Variants in B4GALNT3 observed in about 807,000 individuals in gnomAD.
B4GALNT3 encodes the protein beta-1,4-N-acetylgalactosaminyltransferase 3.
Under a neutral mutation model 120.2 loss-of-function variants are expected in B4GALNT3, and 86 were observed. The ratio of observed to expected loss-of-function variants is 0.72; its 90% CI spans 0.60 to 0.86. B4GALNT3 has a LOEUF of 0.86. Among genes scored for constraint, B4GALNT3 ranks in the 40% least tolerant of loss-of-function variants. The pLI, the probability that B4GALNT3 is intolerant of heterozygous loss-of-function variation, is 0.00. For synonymous variants in B4GALNT3, 518 were observed against 510.4 expected (o/e 1.01, Z -0.20); for missense variants, 1,167 against 1,298.9 (o/e 0.90, Z 1.56).
intron 1 of B4GALNT3, among the ~76,000 whole-genome samples, chr12:480,895 C>T (rs1255974592): frequency 6.6e-6 from 1 of 152,216 alleles, no homozygotes; most frequent in Admixed American, 6.5e-5. Flanking sequence ...TCCTCCTCTG[C>T]CCTTGCAGGC....
chr12:532,098 G>A (rs191499094), intron 1 of B4GALNT3, among the ~76,000 whole-genome samples: 5 of 152,178 alleles, frequency 3.3e-5, no homozygotes, highest in African/African-American at 4.8e-5. Flanking sequence ...GAGCCACCAC[G>A]CCAGGCCACA....
At chr12:501,042 T>G (rs1293961661) in intron 1 of B4GALNT3, among the ~76,000 whole-genome samples, 1 of 138,094 alleles carries the variant, frequency 7.2e-6, no homozygotes, top group Non-Finnish European at 1.5e-5. Context: ...CCCGGCTAAT[T>G]TTTGTACTTT....
intron 1 of B4GALNT3, among the ~76,000 whole-genome samples, chr12:485,856 G>C (rs887903257): frequency 6.6e-6 from 1 of 152,156 alleles, no homozygotes; most frequent in Admixed American, 6.5e-5. Flanking sequence ...ACAATTCTTA[G>C]ATTCCTCAGA....
At chr12:557,146 G>T (rs940165089) in intron 15 of B4GALNT3, among the ~76,000 whole-genome samples, 1 of 152,174 alleles carries the variant, frequency 6.6e-6, no homozygotes, top group Non-Finnish European at 1.5e-5. Flanking sequence ...TAACACTGGG[G>T]ATGATCATTG....
chr12:511,126 C>G (rs1053581009), intron 1 of B4GALNT3, among the ~76,000 whole-genome samples: 16 of 142,062 alleles, frequency 1.1e-4, no homozygotes, highest in African/African-American at 4.2e-4. Flanking sequence ...GCCTGCCAAG[C>G]TCAAGGTATT....
intron 1 of B4GALNT3, among the ~76,000 whole-genome samples, chr12:529,062 G>A (rs1017796893): frequency 1.3e-5 from 2 of 152,136 alleles, no homozygotes; most frequent in African/African-American, 4.8e-5. Context: ...GCCCTCCCAG[G>A]CCTCTCCTTC....
intron 1 of B4GALNT3, among the ~76,000 whole-genome samples, chr12:470,147 A>G (rs186420433): frequency 5.4e-4 from 82 of 152,270 alleles, no homozygotes; most frequent in Admixed American, 3.0e-3. Flanking sequence ...AAGGGGTGAA[A>G]GGGACAGTCG....
At chr12:462,651 C>A (rs1335021073) in intron 1 of B4GALNT3, among the ~76,000 whole-genome samples, 1 of 152,146 alleles carries the variant, frequency 6.6e-6, no homozygotes, top group African/African-American at 2.4e-5. Context: ...AGCTCACACA[C>A]TGATGCACCT....
At chr12:475,396 G>A (rs1366288603) in intron 1 of B4GALNT3, among the ~76,000 whole-genome samples, 2 of 152,184 alleles carry the variant, frequency 1.3e-5, no homozygotes, top group Admixed American at 6.5e-5. Flanking sequence ...GGGAGAAAGA[G>A]AGCCAGGAAG....
At chr12:480,397 A>C (rs540302131) in intron 1 of B4GALNT3, among the ~76,000 whole-genome samples, 1 of 12,676 alleles carries the variant, frequency 7.9e-5, no homozygotes, top group Non-Finnish European at 5.4e-4. Flanking sequence ...CCCGGACGTC[A>C]GTTTCCTTTT....
chr12:503,809 C>T (rs1301311713), intron 1 of B4GALNT3, among the ~76,000 whole-genome samples: 1 of 152,138 alleles, frequency 6.6e-6, no homozygotes, highest in Non-Finnish European at 1.5e-5. Flanking sequence ...CCACCTACTG[C>T]CTTCTTCTTA....
intron 13 of B4GALNT3, chr12:552,744 C>T: frequency 1.7e-6 from 1 of 580,752 alleles, no homozygotes; most frequent in Non-Finnish European, 3.1e-6. Flanking sequence ...TAGCAGCATG[C>T]TGGGGTCAGC....
At chr12:549,729 G>T in intron 9 of B4GALNT3, 40 bp from the exon 10 acceptor site, 1 of 1,613,038 alleles carries the variant, frequency 6.2e-7, no homozygotes, top group Non-Finnish European at 8.5e-7. Flanking sequence ...CTGCGCTCCA[G>T]GCCACACAGC....
At chr12:503,328 A>G (rs1195794825) in intron 1 of B4GALNT3, among the ~76,000 whole-genome samples, 3 of 151,960 alleles carry the variant, frequency 2.0e-5, no homozygotes, top group African/African-American at 7.3e-5. Flanking sequence ...TGCCCCAGCC[A>G]CCAAGCCATG....
chr12:524,033 C>T (rs1327359956), intron 1 of B4GALNT3, among the ~76,000 whole-genome samples: 15 of 152,114 alleles, frequency 9.9e-5, no homozygotes, highest in Admixed American at 7.9e-4. Context: ...TGCACTCTAG[C>T]CCAGGCGACG....
Position 549,022 on chromosome 12 carries a change from G to A in B4GALNT3, c.853+725G>A, listed in dbSNP as rs533461503. On this transcript the variant is annotated intron_variant, in intron 9 of 19. Transcript: ENST00000266383. ...CAGGGCAGAGGAAACCTGTTCACCTGCCTTCAGTGCACAGGAAGCGACCTC... is the reference window on the plus strand; with the variant it reads ...CAGGGCAGAGGAAACCTGTTCACCTACCTTCAGTGCACAGGAAGCGACCTC... 5.9e-5 allele frequency among the ~76,000 whole-genome samples: 9 copies of A among 152,302 alleles called. No homozygotes were observed. The East Asian group carries it at 1.7e-3, about 29-fold the overall frequency.
chr12:463,650 C>T (rs1375190933), intron 1 of B4GALNT3, among the ~76,000 whole-genome samples: 1 of 152,098 alleles, frequency 6.6e-6, no homozygotes, highest in Admixed American at 6.6e-5. Context: ...TCTGTGACAC[C>T]TCTTGAAATG....
intron 1 of B4GALNT3, among the ~76,000 whole-genome samples, chr12:496,625 A>ACCCTTTT: frequency 6.6e-6 from 1 of 152,104 alleles, no homozygotes; most frequent in Non-Finnish European, 1.5e-5. Flanking sequence ...TAAAGTGTAC[A>ACCCTTTT]ATTCAGCGGC....
intron 14 of B4GALNT3, among the ~76,000 whole-genome samples, chr12:554,539 C>G (rs1201767604): frequency 6.6e-6 from 1 of 151,938 alleles, no homozygotes; most frequent in African/African-American, 2.4e-5. Flanking sequence ...GCCTGTAATC[C>G]CAGCACTTTG....
Sources: allele counts gnomAD v4.1 joint callset (sites outside exome capture counted in the v4.1 genomes callset), GRCh38; gene constraint gnomAD v4.1.1; transcripts MANE v1.5; gene names NCBI Gene and HGNC (gene_info 2026-07-23, HGNC 2026-07-21).